The following POLD3 variants were observed in gnomAD, a reference collection of about 807,000 sequenced individuals.
The protein encoded by POLD3 is DNA polymerase delta subunit 3.
In POLD3, 19 loss-of-function variants were observed where a neutral mutation model predicts 58.2. The ratio of observed to expected loss-of-function variants is 0.33; its 90% confidence interval spans 0.23 to 0.48. POLD3 has a LOEUF of 0.48. POLD3 is among the 20% of genes least tolerant of loss of function. The probability of loss-of-function intolerance (pLI) is 0.99; values close to 1 mark genes in which losing one functional copy is unlikely to be tolerated. For missense variants in POLD3, 504 were observed against 545.5 expected (o/e 0.92, Z 0.76); for synonymous variants, 172 against 193.5 (o/e 0.89, Z 0.92).
At chr11:74,631,519 G>A (rs1437607144) in intron 9 of POLD3, among the ~76,000 whole-genome samples, 5 of 127,088 alleles carry the variant, frequency 3.9e-5, no homozygotes, top group Admixed American at 3.0e-4. Context: ...TTGCTCTGTC[G>A]CCCAGGCTGG....
intron 4 of POLD3, among the ~76,000 whole-genome samples, chr11:74,666,663 A>T (rs953465751): frequency 3.9e-5 from 6 of 152,214 alleles, no homozygotes; most frequent in Non-Finnish European, 8.8e-5. Flanking sequence ...CCCTAAATTG[A>T]TCTACAGATT....
intron 11 of POLD3, chr11:74,638,547 A>G (rs2032821739): frequency 2.2e-6 from 1 of 449,600 alleles, no homozygotes; most frequent in East Asian, 7.0e-5. Flanking sequence ...ATGGCTCTTC[A>G]GACTTTTCTA....
At chr11:74,661,909 C>A (rs1039366233) in intron 4 of POLD3, among the ~76,000 whole-genome samples, 2 of 152,216 alleles carry the variant, frequency 1.3e-5, no homozygotes, top group African/African-American at 4.8e-5. Flanking sequence ...AGACAAAGTC[C>A]TTTCTACTCT....
At chr11:74,616,333 C>G (rs7932194) in intron 5 of POLD3, among the ~76,000 whole-genome samples, 19,822 of 152,212 alleles carry the variant, frequency 0.13, 1,673 homozygotes, top group African/African-American at 0.24. Context: ...ACTGAGATCT[C>G]ACTTATGATT....
chr11:74,653,056 G>A (rs2033087309), intron 4 of POLD3: 1 of 152,678 alleles, frequency 6.5e-6, no homozygotes, highest in African/African-American at 2.4e-5. Context: ...TGCTGAAGGA[G>A]ATGAATGGAC....
intron 4 of POLD3, among the ~76,000 whole-genome samples, chr11:74,652,343 G>A (rs534526529): frequency 6.6e-6 from 1 of 152,308 alleles, no homozygotes; most frequent in East Asian, 1.9e-4. Context: ...CTGTGTCAAA[G>A]GATATACATT....
At chr11:74,606,890 A>C (rs1270951496) in intron 3 of POLD3, among the ~76,000 whole-genome samples, 1 of 152,204 alleles carries the variant, frequency 6.6e-6, no homozygotes, top group Admixed American at 6.5e-5. Context: ...TTAGCAGCAG[A>C]GTGCTTTTTC....
chr11:74,649,738 TG>T (rs1374720205), intron 4 of POLD3, among the ~76,000 whole-genome samples: 1 of 152,158 alleles, frequency 6.6e-6, no homozygotes, highest in African/African-American at 2.4e-5. Context: ...CCACGTGCGG[TG>T]GTTCATGCCT....
chr11:74,650,245 G>T (rs2033051444), intron 4 of POLD3, among the ~76,000 whole-genome samples: 2 of 152,142 alleles, frequency 1.3e-5, no homozygotes, highest in African/African-American at 4.8e-5. Flanking sequence ...ACTTTGTGCT[G>T]TAGACAGCAC....
intron 6 of POLD3, among the ~76,000 whole-genome samples, chr11:74,619,304 T>A (rs1300794458): frequency 1.3e-5 from 2 of 152,210 alleles, no homozygotes; most frequent in East Asian, 3.8e-4. Context: ...GGGCATTGAC[T>A]TAAGAAAAGT....
At chr11:74,660,665 G>C (rs570405831) in intron 4 of POLD3, among the ~76,000 whole-genome samples, 1 of 152,130 alleles carries the variant, frequency 6.6e-6, no homozygotes, top group South Asian at 2.1e-4. Flanking sequence ...GTTCTCATGA[G>C]ATCTGGTTGT....
intron 3 of POLD3, among the ~76,000 whole-genome samples, 188 bp from the exon 4 acceptor site, chr11:74,611,308 AATT>A (rs1192303880): frequency 2.0e-5 from 3 of 152,156 alleles, no homozygotes; most frequent in African/African-American, 4.8e-5. Flanking sequence ...AAGATAAGCA[AATT>A]ATTATTTTTT....
At chr11:74,643,575 C>T (rs1434905392), downstream of POLD3, among the ~76,000 whole-genome samples, 1 of 152,142 alleles carries the variant, frequency 6.6e-6, no homozygotes, top group Non-Finnish European at 1.5e-5. Context: ...GAATGATGAG[C>T]AGGATTTCAC....
At chr11:74,640,486 G>A in intron 11 of POLD3, 78 bp from the exon 12 acceptor site, 1 of 1,446,058 alleles carries the variant, frequency 6.9e-7, no homozygotes, top group East Asian at 2.5e-5. Flanking sequence ...AATGATTGGG[G>A]TTAGCAAGAC....
intron 11 of POLD3, among the ~76,000 whole-genome samples, chr11:74,637,718 G>A (rs758525023): frequency 2.6e-4 from 39 of 151,520 alleles, no homozygotes; most frequent in Non-Finnish European, 3.1e-4. Context: ...TTGGCCAGGT[G>A]TGTGATGTGG....
At position 74,618,759 on chromosome 11, in the gene POLD3, A is replaced by T. The variant is rs1374295550; in HGVS notation, c.615A>T (p.Gln205His). 1 of 1,614,050 alleles carries T rather than the reference A, an allele frequency of 6.2e-7. No individual in the cohort carries two copies. Among genetic ancestry groups the T allele is most frequent in the Non-Finnish European group, 8.5e-7 (1 of 1,179,902 alleles). The change falls in exon 6 of 12, where the codon CAA (glutamine) becomes CAT (histidine). Residue 205 changes from glutamine (Q) to histidine (H), a missense_variant. Around this residue, in one of 2 missense-constraint regions of POLD3, gnomAD observed 385 missense variants for 370.5 expected, o/e 1.04. Coordinates refer to ENST00000263681, the MANE Select transcript of POLD3 (RefSeq NM_006591.3). ...MFASKAAAKT[Q>H]ETNKETKTEA... ...CCTCCAAAGCTGCTGCTAAAACCCA[A>T]GAAACCAACAAGGAAACGAAAACAG...
At chr11:74,607,823 C>G (rs1393143818) in intron 3 of POLD3, among the ~76,000 whole-genome samples, 2 of 152,048 alleles carry the variant, frequency 1.3e-5, no homozygotes, top group African/African-American at 2.4e-5. Flanking sequence ...TTCAAGTGAT[C>G]TTGAACTTAA....
intron 2 of POLD3, among the ~76,000 whole-genome samples, chr11:74,597,751 C>T (rs374795554): frequency 2.0e-5 from 3 of 152,332 alleles, no homozygotes; most frequent in East Asian, 3.9e-4. Context: ...TAAGCCACTG[C>T]ACCTGGCCAT....
At chr11:74,601,576 C>T (rs996597726) in intron 2 of POLD3, among the ~76,000 whole-genome samples, 4 of 152,058 alleles carry the variant, frequency 2.6e-5, no homozygotes, top group African/African-American at 7.2e-5. Context: ...CACTTGAGCG[C>T]AGGGGTTCGA....
Sources: gnomAD v4.1 joint callset for allele counts (sites outside exome capture counted in the v4.1 genomes callset) on GRCh38, gnomAD v4.1.1 for gene constraint, gnomAD v4.1.1 regional missense constraint, MANE v1.5 for transcripts, NCBI Gene and HGNC (gene_info 2026-07-23, HGNC 2026-07-21) for gene names.